SDK1: variants seen among roughly 807,000 people sequenced by gnomAD.
SDK1 encodes the protein sidekick cell adhesion molecule 1.
In SDK1, 157 loss-of-function variants were observed where a neutral mutation model predicts 245.5. The ratio of observed to expected loss-of-function variants is 0.64; its 90% CI spans 0.56 to 0.73. The LOEUF (loss-of-function observed/expected upper bound fraction) is 0.73, where lower values mean the gene tolerates loss of function less well. Ranked by LOEUF, SDK1 falls within the 30% of genes least tolerant of loss-of-function variation. The pLI, the probability that SDK1 is intolerant of heterozygous loss-of-function variation, is 0.00. For synonymous variants in SDK1, 1,647 were observed against 1,278.5 expected (o/e 1.29, Z -6.15); for missense variants, 3,583 against 3,002.3 (o/e 1.19, Z -4.52).
At position 3,301,627 on chromosome 7, in the gene SDK1, G is replaced by T. The variant is rs2128539181; in HGVS notation, c.41G>T (p.Gly14Val). The T allele has an allele frequency of 2.0e-6, 2 of 977,742 alleles. No individual in the cohort carries two copies. The highest frequency in any genetic ancestry group is 1.3e-4 in the Admixed American group (2 of 15,662). The allele number at this position is 977,742 out of a possible 1,614,324, so 60.6% of individuals were successfully genotyped here. A position where few individuals can be genotyped will look rare whatever the true frequency, so the allele number is the denominator to read the frequency against. Residue 14 changes from glycine (G) to valine (V), a missense_variant, in exon 1 of 45, where the codon GGC becomes GTC. Gly to Val is a moderately radical substitution (Grantham distance 109). Transcript: ENST00000404826. ...CGGCCCTCGGCGGCCGGTGGCGGCG[G>T]CGGCGGCGCGGAGCCCCCTGAGCGC... ...GARPSAAGGG[G>V]GGAEPPERAG...
At chr7:4,206,054 G>A in intron 36 of SDK1, 60 bp downstream of exon 36, 1 of 1,136,946 alleles carries the variant, frequency 8.8e-7, no homozygotes, top group Admixed American at 2.5e-5. Context: ...CGTTCACGTG[G>A]TCCTGCCTAC....
At chr7:4,017,503 C>G in intron 17 of SDK1, 151 bp downstream of exon 17, 1 of 616,984 alleles carries the variant, frequency 1.6e-6, no homozygotes, top group Non-Finnish European at 2.7e-6. Context: ...TTAATGGGAT[C>G]TCTCCAGCTA....
At chr7:3,442,821 T>A (rs933606960) in intron 1 of SDK1, among the ~76,000 whole-genome samples, 1 of 152,228 alleles carries the variant, frequency 6.6e-6, no homozygotes, top group African/African-American at 2.4e-5. Flanking sequence ...TTGAGTGAAC[T>A]GCTTTTGCTT....
rs557962532 is a variant in SDK1 at position 3,574,881 on chromosome 7, A to G, written c.299-44199A>G. Among the ~76,000 whole-genome samples, 33 of 152,200 alleles carry G rather than the reference A, an allele frequency of 2.2e-4. 1 individual carries two copies. Among genetic ancestry groups the G allele is most frequent in the African/African-American group, 7.7e-4 (32 of 41,564 alleles). ...GAGAAGTACCAATTTTACAAATTAC[A>G]CGAAAGGCATTTTCTCTGAGTTGTA... On this transcript the variant is annotated intron_variant, in intron 1 of 44. Transcript: ENST00000404826.
intron 38 of SDK1, among the ~76,000 whole-genome samples, chr7:4,211,766 C>T (rs974786963): frequency 4.6e-5 from 7 of 152,264 alleles, no homozygotes; most frequent in African/African-American, 9.6e-5. Context: ...CCCACCACCA[C>T]GCCCAGCTAA....
intron 1 of SDK1, among the ~76,000 whole-genome samples, chr7:3,601,542 A>G (rs1230481926): frequency 6.6e-6 from 1 of 151,814 alleles, no homozygotes; most frequent in African/African-American, 2.4e-5. Context: ...TAATGACTTC[A>G]ATATCTGCAG....
intron 3 of SDK1, among the ~76,000 whole-genome samples, chr7:3,640,842 C>T (rs540930946): frequency 3.3e-4 from 50 of 152,208 alleles, no homozygotes; most frequent in Non-Finnish European, 6.3e-4. Flanking sequence ...CACCACCACA[C>T]CCAGCTAATT....
chr7:3,996,976 G>A (rs928555411), intron 14 of SDK1, among the ~76,000 whole-genome samples: 2 of 152,102 alleles, frequency 1.3e-5, no homozygotes, highest in Admixed American at 1.3e-4. Flanking sequence ...ACAAAATGCA[G>A]GGAGCTTAAG....
chr7:3,562,470 G>A (rs1185049853), intron 1 of SDK1, among the ~76,000 whole-genome samples: 1 of 152,084 alleles, frequency 6.6e-6, no homozygotes, highest in African/African-American at 2.4e-5. Context: ...CTAGAGGGAT[G>A]CATGGGTGCT....
chr7:4,195,536 A>G (rs1783527018), intron 35 of SDK1, among the ~76,000 whole-genome samples: 1 of 152,112 alleles, frequency 6.6e-6, no homozygotes, highest in Non-Finnish European at 1.5e-5. Context: ...CCAGGCCTGC[A>G]ATTCCCACTG....
At chr7:4,039,063 A>G (rs1788413975) in intron 17 of SDK1, among the ~76,000 whole-genome samples, 1 of 151,882 alleles carries the variant, frequency 6.6e-6, no homozygotes, top group East Asian at 1.9e-4. Flanking sequence ...CAAAAAACCA[A>G]ACACCGCATG....
At chr7:4,206,885 G>A (rs1784255501) in intron 36 of SDK1, among the ~76,000 whole-genome samples, 1 of 152,198 alleles carries the variant, frequency 6.6e-6, no homozygotes, top group African/African-American at 2.4e-5. Flanking sequence ...TTTTGCAGGT[G>A]TGTTATGAAA....
chr7:3,857,416 C>T (rs1780574329), intron 5 of SDK1, among the ~76,000 whole-genome samples: 1 of 152,168 alleles, frequency 6.6e-6, no homozygotes, highest in Admixed American at 6.5e-5. Context: ...GGTGTGACGG[C>T]TCACACCTGT....
At chr7:4,257,557 G>A (rs1029773196) in intron 44 of SDK1, among the ~76,000 whole-genome samples, 1 of 152,244 alleles carries the variant, frequency 6.6e-6, no homozygotes, top group Admixed American at 6.5e-5. Flanking sequence ...GACAGGGGCT[G>A]AGCAGGAGCC....
intron 42 of SDK1, 92 bp from the exon 43 acceptor site, chr7:4,241,701 C>A: frequency 6.6e-7 from 1 of 1,525,194 alleles, no homozygotes; most frequent in Non-Finnish European, 9.0e-7. Flanking sequence ...CAGCAGGACT[C>A]AGGAGCTGCC....
At chr7:3,990,821 A>G (rs1258573454) in intron 14 of SDK1, among the ~76,000 whole-genome samples, 1 of 152,232 alleles carries the variant, frequency 6.6e-6, no homozygotes, top group Admixed American at 6.5e-5. Context: ...CCCCGTTTCC[A>G]TGAAAGAAGG....
intron 1 of SDK1, among the ~76,000 whole-genome samples, chr7:3,323,046 C>T (rs368367013): frequency 6.6e-6 from 1 of 152,096 alleles, no homozygotes; most frequent in East Asian, 1.9e-4. Flanking sequence ...AAGCAAGCTG[C>T]CCATCTCGGC....
rs907326136 is a variant in SDK1, at chr7:4,241,151, C to T, written c.6131-642C>T. The stretch of plus-strand genomic sequence containing the variant: ...TTGAAGTGTGCGGTTCAGTGGTGAA[C>T]GCACAGGTACGTGCAGTCATGACCA... On this transcript the variant is annotated intron_variant, in intron 42 of 44. Transcript: ENST00000404826. Among the ~76,000 whole-genome samples the T allele has an allele frequency of 6.6e-5, 10 of 152,210 alleles. No individual in the cohort carries two copies. The South Asian group carries it at 1.2e-3, about 19-fold the overall frequency.
intron 1 of SDK1, among the ~76,000 whole-genome samples, chr7:3,313,303 A>C (rs980889563): frequency 6.6e-6 from 1 of 152,200 alleles, no homozygotes; most frequent in African/African-American, 2.4e-5. Flanking sequence ...GCTACTTGGG[A>C]GGCTGAAGCA....
Sources: allele counts gnomAD v4.1 joint callset (sites outside exome capture counted in the v4.1 genomes callset), GRCh38; gene constraint gnomAD v4.1.1; transcripts MANE v1.5; gene names NCBI Gene and HGNC (gene_info 2026-07-23, HGNC 2026-07-21).